PRKN: variants seen among roughly 807,000 people sequenced by gnomAD.
PRKN encodes the protein E3 ubiquitin-protein ligase parkin.
In PRKN, 56 loss-of-function variants were observed where a neutral mutation model predicts 59.5. The ratio of observed to expected loss-of-function variants is 0.94; its 90% CI spans 0.76 to 1.18. The LOEUF (loss-of-function observed/expected upper bound fraction) is 1.18, where lower values mean the gene tolerates loss of function less well. Among genes scored for constraint, PRKN ranks in the 50% most tolerant of loss-of-function variants. The probability of loss-of-function intolerance (pLI) is 0.00; values close to 1 mark genes in which losing one functional copy is unlikely to be tolerated. For synonymous variants in PRKN, 250 were observed against 222.1 expected (o/e 1.13, Z -1.12); for missense variants, 657 against 596.4 (o/e 1.10, Z -1.06).
intron 1 of PRKN, among the ~76,000 whole-genome samples, chr6:162,492,521 G>A (rs532104558): frequency 5.3e-5 from 8 of 152,296 alleles, no homozygotes; most frequent in East Asian, 1.9e-4. Flanking sequence ...AAGAATGGCC[G>A]GGTGCAGTGG....
chr6:162,474,372 A>G (rs757446572), intron 1 of PRKN, among the ~76,000 whole-genome samples: 1 of 152,112 alleles, frequency 6.6e-6, no homozygotes, highest in Non-Finnish European at 1.5e-5. Context: ...TTGTGAAAAT[A>G]TATTTGAATG....
At chr6:162,002,307 G>A (rs539087330) in intron 5 of PRKN, among the ~76,000 whole-genome samples, 13 of 152,012 alleles carry the variant, frequency 8.6e-5, no homozygotes, top group Non-Finnish European at 1.8e-4. Flanking sequence ...TCTTTGGAAG[G>A]TTATTAATTC....
At chr6:162,205,789 C>T (rs1474716177) in intron 3 of PRKN, among the ~76,000 whole-genome samples, 1 of 152,038 alleles carries the variant, frequency 6.6e-6, no homozygotes, top group East Asian at 1.9e-4. Context: ...CCATTAGCTA[C>T]AACTACCTAT....
chr6:161,553,511 T>C (rs893827132), intron 8 of PRKN, among the ~76,000 whole-genome samples: 1 of 152,184 alleles, frequency 6.6e-6, no homozygotes, highest in South Asian at 2.1e-4. Context: ...TGTACTTCTA[T>C]CAGGAAGATC....
chr6:161,809,670 G>T (rs1791481875), intron 6 of PRKN, among the ~76,000 whole-genome samples: 1 of 151,890 alleles, frequency 6.6e-6, no homozygotes, highest in South Asian at 2.1e-4. Flanking sequence ...ATTCCATTTT[G>T]GTGATAAAAT....
chr6:161,414,382 G>A lies in PRKN; in HGVS notation c.1084-27505C>T, dbSNP rs1787743615. On this transcript the variant is annotated intron_variant, in intron 9 of 11. Coordinates refer to ENST00000366898, the MANE Select transcript of PRKN (RefSeq NM_004562.3). This position sits in a 1 kb window ranked among gnomAD's most constrained non-coding sequence, Gnocchi z 5.3. ...CAGATTCTGTTTAGATGCACCCGAG[G>A]CCCCAGGCAAAGGTTTCTGCCTGAG... Among the ~76,000 whole-genome samples, 1 of 152,170 alleles carries A rather than the reference G, an allele frequency of 6.6e-6. No individual in the cohort carries two copies.
intron 1 of PRKN, among the ~76,000 whole-genome samples, chr6:162,450,409 T>A (rs117765565): frequency 0.083 from 11,748 of 141,896 alleles, 616 homozygotes; most frequent in Middle Eastern, 0.12. Flanking sequence ...GCCCCTATGA[T>A]TGTAACACCC....
chr6:161,535,290 A>C (rs1014957350), intron 9 of PRKN, among the ~76,000 whole-genome samples: 4 of 152,236 alleles, frequency 2.6e-5, no homozygotes, highest in Admixed American at 2.6e-4. Flanking sequence ...CATGCCTGGG[A>C]ATACGGAAAG....
At chr6:162,660,174 T>A (rs957150455) in intron 1 of PRKN, among the ~76,000 whole-genome samples, 1 of 152,226 alleles carries the variant, frequency 6.6e-6, no homozygotes, top group South Asian at 2.1e-4. Flanking sequence ...TATAGTATAA[T>A]CATTTTATTA....
intron 2 of PRKN, among the ~76,000 whole-genome samples, chr6:162,331,408 ATCATT>A (rs1313997104): frequency 6.6e-6 from 1 of 152,208 alleles, no homozygotes; most frequent in Non-Finnish European, 1.5e-5. Context: ...TGCCCGCTTC[ATCATT>A]TCATTTATGT....
rs903331307 is a variant in PRKN at position 161,473,312 on chromosome 6, G to C, written c.1083+75542C>G. On this transcript the variant is annotated intron_variant, in intron 9 of 11. Coordinates refer to ENST00000366898, the MANE Select transcript of PRKN (RefSeq NM_004562.3). The surrounding 1 kb of genome is among the most constrained non-coding windows in gnomAD (Gnocchi z 4.1). The stretch of plus-strand genomic sequence containing the variant: ...ATATTATATACATATATATTAGGGA[G>C]AGGGGAGCATTATATATATAGATAC... 6.6e-6 allele frequency among the ~76,000 whole-genome samples: 1 copy of C among 151,028 alleles called. No homozygotes were observed. Among genetic ancestry groups the C allele is most frequent in the Non-Finnish European group, 1.5e-5 (1 of 67,804 alleles).
chr6:162,571,891 G>A (rs9365467), intron 1 of PRKN, among the ~76,000 whole-genome samples: 46,670 of 152,046 alleles, frequency 0.31, 7,614 homozygotes, highest in East Asian at 0.49. Flanking sequence ...GAGACTCATT[G>A]CCCTGTCATG....
At chr6:162,353,457 A>G (rs1019999921) in intron 2 of PRKN, among the ~76,000 whole-genome samples, 5 of 152,136 alleles carry the variant, frequency 3.3e-5, no homozygotes, top group Non-Finnish European at 5.9e-5. Context: ...CATAAAATAA[A>G]TGTTAAATGC....
At chr6:161,760,878 G>C (rs531921342) in intron 7 of PRKN, among the ~76,000 whole-genome samples, 2 of 152,288 alleles carry the variant, frequency 1.3e-5, no homozygotes, top group Admixed American at 6.5e-5. Flanking sequence ...TATCTAAACT[G>C]TTATCAATGG....
chr6:162,581,789 AAG>A (rs901121548), intron 1 of PRKN, among the ~76,000 whole-genome samples: 6 of 152,210 alleles, frequency 3.9e-5, no homozygotes, highest in African/African-American at 9.6e-5. Context: ...CTTAGATTTT[AAG>A]AGTTTTTCTC....
Position 161,545,358 on chromosome 6 carries a change from A to T in PRKN, c.1083+3496T>A. The stretch of plus-strand genomic sequence containing the variant: ...TAATTCTTCTATAGCTTTGCTACCA[A>T]TGACTTTTCCTTGAACGATGTATTG... On this transcript the variant is annotated intron_variant, in intron 9 of 11. Transcript: ENST00000366898. This position sits in a 1 kb window ranked among gnomAD's most constrained non-coding sequence, Gnocchi z 4.1. 1 of 1,610,468 alleles carries T rather than the reference A, an allele frequency of 6.2e-7. No homozygotes were observed. The highest frequency in any genetic ancestry group is 8.5e-7 in the Non-Finnish European group (1 of 1,178,722).
rs2114918584 is a variant in PRKN, at chr6:161,377,556, C to T, written c.1167+9238G>A. Reference sequence around the variant, plus strand: ...GGTTGAAAGAGTGGTGAGGGGAGACCCTGTCAATAAGCAGAGCCTTGGGCA... The same window carrying T: ...GGTTGAAAGAGTGGTGAGGGGAGACTCTGTCAATAAGCAGAGCCTTGGGCA... On this transcript the variant is annotated intron_variant, in intron 10 of 11. Coordinates refer to ENST00000366898, the MANE Select transcript of PRKN (RefSeq NM_004562.3). This position sits in a 1 kb window ranked among gnomAD's most constrained non-coding sequence, Gnocchi z 4.2. Among the ~76,000 whole-genome samples the T allele has an allele frequency of 6.6e-6, 1 of 152,232 alleles. No homozygotes were observed. The highest frequency in any genetic ancestry group is 6.5e-5 in the Admixed American group (1 of 15,284).
intron 3 of PRKN, among the ~76,000 whole-genome samples, chr6:162,209,089 T>C (rs1477362749): frequency 6.6e-6 from 1 of 152,008 alleles, no homozygotes; most frequent in African/African-American, 2.4e-5. Context: ...AAAGCCAAAA[T>C]TGACAAATGG....
chr6:162,607,610 T>TGAG (rs1781975246), intron 1 of PRKN, among the ~76,000 whole-genome samples: 1 of 151,814 alleles, frequency 6.6e-6, no homozygotes, highest in South Asian at 2.1e-4. Flanking sequence ...ACTGATAAGA[T>TGAG]GAGGCTGAAT....
Sources: gnomAD v4.1 joint callset for allele counts (sites outside exome capture counted in the v4.1 genomes callset) on GRCh38, gnomAD v4.1.1 for gene constraint, Gnocchi (gnomAD v3.1) non-coding constraint, MANE v1.5 for transcripts, NCBI Gene and HGNC (gene_info 2026-07-23, HGNC 2026-07-21) for gene names.